PDS5B: variants seen among roughly 807,000 people sequenced by gnomAD.
PDS5B encodes the protein sister chromatid cohesion protein PDS5 homolog B.
PDS5B carries 51 observed loss-of-function variants against 184.1 expected under a neutral mutation model. The observed-to-expected ratio is 0.28, with a 90% CI of 0.22 to 0.35. The LOEUF (loss-of-function observed/expected upper bound fraction) is 0.35. PDS5B is among the 10% of genes least tolerant of loss of function. PDS5B has a pLI of 1.00. For synonymous variants in PDS5B, 566 were observed against 569.2 expected, an observed-to-expected ratio of 0.99 and a Z score of 0.08; for missense variants, 1,180 against 1,723.3, an observed-to-expected ratio of 0.68 and a Z score of 5.58.
chr13:32,616,596 A>G (rs1436482268), intron 1 of PDS5B, among the ~76,000 whole-genome samples: 1 of 152,192 alleles, frequency 6.6e-6, no homozygotes, highest in Admixed American at 6.5e-5. Context: ...ATGTAGCCCG[A>G]GTTGCCATTG....
chr13:32,665,640 AGATAGGAATGAATTTCTT>A (rs1555298457), intron 6 of PDS5B, among the ~76,000 whole-genome samples: 73 of 150,094 alleles, frequency 4.9e-4, no homozygotes, highest in Non-Finnish European at 7.7e-4. Context: ...TACAACCTCA[AGATAGGAATGAATTTCTT>A]AAGAAAGCTA....
At chr13:32,748,240 A>G (rs971729540) in intron 24 of PDS5B, among the ~76,000 whole-genome samples, 15 of 152,244 alleles carry the variant, frequency 9.9e-5, no homozygotes, top group African/African-American at 2.6e-4. Context: ...AGAATAATCT[A>G]TCTTTGTCTC....
At chr13:32,635,170 G>GTTTTTTTTTTTTTTTTT in intron 1 of PDS5B, among the ~76,000 whole-genome samples, 1 of 81,122 alleles carries the variant, frequency 1.2e-5, no homozygotes, top group Non-Finnish European at 2.5e-5. Flanking sequence ...AGCCAATTAC[G>GTTTTTTTTTTTTTTTTT]TTTTTTTTTT....
intron 1 of PDS5B, among the ~76,000 whole-genome samples, chr13:32,616,164 C>T (rs1202957618): frequency 2.0e-5 from 3 of 151,946 alleles, no homozygotes; most frequent in Admixed American, 6.6e-5. Flanking sequence ...AGCGATTCTC[C>T]TGCCCCAGCC....
At chr13:32,663,184 C>T (rs1402752498) in intron 6 of PDS5B, among the ~76,000 whole-genome samples, 6 of 152,016 alleles carry the variant, frequency 3.9e-5, no homozygotes, top group South Asian at 2.1e-4. Context: ...CCTGTAAACC[C>T]GTTACCAGGG....
intron 1 of PDS5B, among the ~76,000 whole-genome samples, chr13:32,609,066 C>T (rs2058102944): frequency 6.6e-6 from 1 of 152,202 alleles, no homozygotes; most frequent in Non-Finnish European, 1.5e-5. Context: ...ACAGTTCACC[C>T]TCTTGTCATA....
At chr13:32,623,956 C>T (rs970203995) in intron 1 of PDS5B, among the ~76,000 whole-genome samples, 3 of 152,136 alleles carry the variant, frequency 2.0e-5, no homozygotes, top group East Asian at 1.9e-4. Flanking sequence ...GGAAGACAGG[C>T]GTGTGCCACC....
intron 3 of PDS5B, among the ~76,000 whole-genome samples, chr13:32,654,217 G>A (rs1048682559): frequency 4.6e-5 from 7 of 152,104 alleles, no homozygotes; most frequent in Non-Finnish European, 7.4e-5. Flanking sequence ...CTTGATTAGC[G>A]GCAAATTCGT....
chr13:32,683,391 G>A (rs1407062197), intron 10 of PDS5B, among the ~76,000 whole-genome samples: 3 of 143,650 alleles, frequency 2.1e-5, no homozygotes, highest in African/African-American at 5.2e-5. Flanking sequence ...TGCGATCTCC[G>A]CTCACCGCAG....
At chr13:32,756,148 C>G (rs567840306) in intron 26 of PDS5B, among the ~76,000 whole-genome samples, 192 bp downstream of exon 26, 14 of 151,966 alleles carry the variant, frequency 9.2e-5, no homozygotes, top group African/African-American at 3.1e-4. Context: ...TGTAGTTTCC[C>G]AAAACTTAAT....
chr13:32,759,073 A>G (rs1954287258), intron 28 of PDS5B, among the ~76,000 whole-genome samples: 2 of 152,148 alleles, frequency 1.3e-5, no homozygotes, highest in African/African-American at 4.8e-5. Context: ...TTACCAAACC[A>G]TGCTCCAAAA....
At chr13:32,613,869 G>C (rs1305920791) in intron 1 of PDS5B, among the ~76,000 whole-genome samples, 1 of 152,122 alleles carries the variant, frequency 6.6e-6, no homozygotes, top group African/African-American at 2.4e-5. Context: ...TATAGTTTTA[G>C]CTCTTATATT....
chr13:32,688,460 C>G lies in PDS5B; in HGVS notation c.1360C>G (p.Leu454Val). ...YYQNSIDDRL[L>V]VERIFAQYMV... is the part of the protein sequence containing the mutation. ...GCCTTCTCTGCTTTTTTGTAGACTACTTGTTGAACGGATCTTTGCTCAATA... is the reference window on the plus strand; with the variant it reads ...GCCTTCTCTGCTTTTTTGTAGACTAGTTGTTGAACGGATCTTTGCTCAATA... The change falls in exon 13 of 35, where the codon CTT becomes GTT. Residue 454 changes from leucine to valine, a missense_variant. By Grantham distance (32) the Leu-to-Val change is conservative. Around this residue, in one of 11 missense-constraint regions of PDS5B, gnomAD observed 475 missense variants for 691.5 expected, o/e 0.69. Coordinates refer to ENST00000315596, the MANE Select transcript of PDS5B (RefSeq NM_015032.4). 1.3e-6 allele frequency: 2 copies of G among 1,544,658 alleles called. No homozygotes were observed. Among genetic ancestry groups the G allele is most frequent in the Non-Finnish European group, 1.8e-6 (2 of 1,129,366 alleles).
intron 34 of PDS5B, among the ~76,000 whole-genome samples, chr13:32,774,455 A>G (rs1954892821): frequency 6.6e-6 from 1 of 152,260 alleles, no homozygotes; most frequent in African/African-American, 2.4e-5. Flanking sequence ...TTCATCAGAG[A>G]AAAACTACAT....
intron 17 of PDS5B, among the ~76,000 whole-genome samples, chr13:32,705,736 G>T (rs1951991321): frequency 6.6e-6 from 1 of 152,130 alleles, no homozygotes; most frequent in African/African-American, 2.4e-5. Flanking sequence ...CTGGAGTGCA[G>T]TGGTGCATCA....
intron 1 of PDS5B, among the ~76,000 whole-genome samples, chr13:32,639,810 C>G (rs1031311371): frequency 3.3e-5 from 5 of 152,198 alleles, no homozygotes; most frequent in Non-Finnish European, 7.3e-5. Context: ...CACCTCAAAC[C>G]TGGAGTGAAA....
chr13:32,626,289 G>C (rs1051606164), intron 1 of PDS5B, among the ~76,000 whole-genome samples: 1 of 152,144 alleles, frequency 6.6e-6, no homozygotes, highest in African/African-American at 2.4e-5. Flanking sequence ...AAGCCAGACC[G>C]TGGTCCTATG....
At chr13:32,744,524 C>T (rs2140979574) in intron 23 of PDS5B, among the ~76,000 whole-genome samples, 1 of 152,128 alleles carries the variant, frequency 6.6e-6, no homozygotes, top group Admixed American at 6.5e-5. Context: ...GAAAAGTTTC[C>T]TCTGCTTAAT....
intron 19 of PDS5B, 43 bp downstream of exon 19, chr13:32,710,149 CAT>C (rs778885898): frequency 7.8e-7 from 1 of 1,280,546 alleles, no homozygotes; most frequent in Non-Finnish European, 1.0e-6. Context: ...ACATCAGAAA[CAT>C]AATTATTTCT....
Sources: allele counts gnomAD v4.1 joint callset (sites outside exome capture counted in the v4.1 genomes callset), GRCh38; gene constraint gnomAD v4.1.1; regional missense constraint gnomAD v4.1.1; transcripts MANE v1.5; gene names NCBI Gene and HGNC (gene_info 2026-07-23, HGNC 2026-07-21).